NTRK2: variants seen among roughly 807,000 people sequenced by gnomAD.
NTRK2 encodes BDNF/NT-3 growth factors receptor.
NTRK2 carries 13 observed loss-of-function variants against 94.5 expected under a neutral mutation model. The observed-to-expected ratio is 0.14, with a 90% CI of 0.09 to 0.22. The LOEUF is 0.22. Ranked by LOEUF, NTRK2 falls within the 10% of genes least tolerant of loss-of-function variation. NTRK2 has a pLI of 1.00. For synonymous variants in NTRK2, 372 were observed against 407.4 expected (o/e 0.91, Z 1.05); for missense variants, 639 against 1,071.2 (o/e 0.60, Z 5.63).
At chr9:84,955,228 C>A in intron 16 of NTRK2, 55 bp from the exon 17 acceptor site, 1 of 1,443,468 alleles carries the variant, frequency 6.9e-7, no homozygotes, top group Non-Finnish European at 9.5e-7. Context: ...GGGCAAAGGG[C>A]CCCTGGAGTG....
intron 12 of NTRK2, chr9:84,815,111 A>G: frequency 9.5e-7 from 1 of 1,057,918 alleles, no homozygotes; most frequent in East Asian, 5.2e-5. Context: ...GAAATTTCCC[A>G]CTAAAGTCAG....
intron 12 of NTRK2, among the ~76,000 whole-genome samples, chr9:84,842,552 G>T (rs1390200205): frequency 1.3e-5 from 2 of 151,996 alleles, no homozygotes; most frequent in Non-Finnish European, 2.9e-5. Flanking sequence ...GCCTCTCCTC[G>T]TTTTCCACCC....
chr9:84,780,827 T>G (rs924629869), intron 12 of NTRK2, among the ~76,000 whole-genome samples: 4 of 152,150 alleles, frequency 2.6e-5, no homozygotes, highest in Non-Finnish European at 5.9e-5. Flanking sequence ...AGGTGGATGT[T>G]TTTTCCTCTC....
chr9:84,927,178 C>T (rs1434531532), intron 14 of NTRK2, among the ~76,000 whole-genome samples: 1 of 152,178 alleles, frequency 6.6e-6, no homozygotes, highest in Admixed American at 6.5e-5. Context: ...CTTCTCCTGC[C>T]AGCAAGCTTA....
intron 14 of NTRK2, among the ~76,000 whole-genome samples, chr9:84,933,218 G>A (rs975593528): frequency 6.6e-6 from 1 of 152,162 alleles, no homozygotes; most frequent in Non-Finnish European, 1.5e-5. Flanking sequence ...CGGAACTCCC[G>A]TGCTAAGGGA....
chr9:84,788,325 C>A lies in NTRK2; in HGVS notation c.1396+36240C>A, dbSNP rs184487971. Reference sequence around the variant, plus strand: ...AAGTATAAATTCAGTAGATGCAGATCAGAGTCATTGAACCAGCCTGTCATT... The same window carrying A: ...AAGTATAAATTCAGTAGATGCAGATAAGAGTCATTGAACCAGCCTGTCATT... On this transcript the variant is annotated intron_variant, in intron 12 of 18. Transcript: ENST00000277120. Among the ~76,000 whole-genome samples the A allele has an allele frequency of 5.3e-5, 8 of 152,312 alleles. No homozygotes were observed. In the East Asian group the frequency reaches 1.3e-3, roughly 26 times the overall value.
At chr9:84,716,882 C>G (rs1303173359) in intron 6 of NTRK2, among the ~76,000 whole-genome samples, 1 of 152,202 alleles carries the variant, frequency 6.6e-6, no homozygotes, top group African/African-American at 2.4e-5. Context: ...CTTGCAAAGT[C>G]ATTTTGCTAA....
chr9:84,912,937 T>A (rs1209065737), intron 14 of NTRK2, among the ~76,000 whole-genome samples: 1 of 152,176 alleles, frequency 6.6e-6, no homozygotes, highest in African/African-American at 2.4e-5. Flanking sequence ...ATTTTTATAT[T>A]TGAAGTGAAT....
intron 17 of NTRK2, among the ~76,000 whole-genome samples, chr9:84,981,980 C>A (rs188812359): frequency 6.6e-6 from 1 of 152,280 alleles, no homozygotes; most frequent in African/African-American, 2.4e-5. Context: ...GATTTAATTT[C>A]TGGGTTTTAT....
chr9:84,890,685 C>T (rs2076569268), intron 14 of NTRK2, among the ~76,000 whole-genome samples: 1 of 152,112 alleles, frequency 6.6e-6, no homozygotes. Flanking sequence ...TCAAAGGATC[C>T]CATTAGCAAT....
At chr9:84,725,950 G>A (rs990678762) in intron 8 of NTRK2, among the ~76,000 whole-genome samples, 41 of 152,226 alleles carry the variant, frequency 2.7e-4, no homozygotes, top group African/African-American at 7.5e-4. Context: ...AAATCTTTCC[G>A]TAAATTATGA....
intron 17 of NTRK2, among the ~76,000 whole-genome samples, chr9:84,994,200 T>G: frequency 6.6e-6 from 1 of 152,188 alleles, no homozygotes; most frequent in East Asian, 1.9e-4. Context: ...CAATCTTTTC[T>G]ACCACATTTA....
At chr9:84,944,737 C>A (rs2078536018) in intron 15 of NTRK2, among the ~76,000 whole-genome samples, 1 of 152,216 alleles carries the variant, frequency 6.6e-6, no homozygotes, top group Admixed American at 6.5e-5. Flanking sequence ...GCTCTCATAT[C>A]TTGGGTTGGC....
At chr9:84,753,008 A>G (rs927359760) in intron 12 of NTRK2, among the ~76,000 whole-genome samples, 8 of 152,130 alleles carry the variant, frequency 5.3e-5, no homozygotes, top group African/African-American at 1.9e-4. Context: ...TATTTACTTG[A>G]AAGGGAATGT....
intron 14 of NTRK2, among the ~76,000 whole-genome samples, chr9:84,920,998 A>C (rs911633989): frequency 6.6e-6 from 1 of 152,224 alleles, no homozygotes; most frequent in Non-Finnish European, 1.5e-5. Context: ...CCAGATGTAA[A>C]TGGTTCATAC....
intron 9 of NTRK2, among the ~76,000 whole-genome samples, chr9:84,731,388 A>T (rs865854200): frequency 6.6e-6 from 1 of 152,192 alleles, no homozygotes; most frequent in Non-Finnish European, 1.5e-5. Context: ...GTGAGCCATG[A>T]TCGTGCTACT....
intron 12 of NTRK2, among the ~76,000 whole-genome samples, chr9:84,804,020 A>G (rs1315595217): frequency 6.6e-6 from 1 of 152,132 alleles, no homozygotes; most frequent in Admixed American, 6.5e-5. Context: ...GATTGTTGCT[A>G]TCTTAACACG....
intron 8 of NTRK2, among the ~76,000 whole-genome samples, chr9:84,727,311 T>G (rs1268308996): frequency 1.3e-5 from 2 of 152,224 alleles, no homozygotes; most frequent in African/African-American, 4.8e-5. Context: ...AAGATACAGA[T>G]ATTAGAAACC....
At chr9:84,985,567 A>G (rs923228913) in intron 17 of NTRK2, among the ~76,000 whole-genome samples, 4 of 152,228 alleles carry the variant, frequency 2.6e-5, no homozygotes, top group African/African-American at 7.2e-5. Context: ...CTACCCACTG[A>G]TTAATCTTTG....
Sources: gnomAD v4.1 joint callset for allele counts (sites outside exome capture counted in the v4.1 genomes callset) on GRCh38, gnomAD v4.1.1 for gene constraint, MANE v1.5 for transcripts, NCBI Gene and HGNC (gene_info 2026-07-23, HGNC 2026-07-21) for gene names.